The following PCLO variants were observed in gnomAD, a reference collection of about 807,000 sequenced individuals.
The protein encoded by PCLO is piccolo presynaptic cytomatrix protein, also known as protein piccolo.
Under a neutral mutation model 427.5 loss-of-function variants are expected in PCLO, and 82 were observed. The ratio of observed to expected loss-of-function variants is 0.19; its 90% CI spans 0.16 to 0.23. The LOEUF (loss-of-function observed/expected upper bound fraction) is 0.23. PCLO is among the 10% of genes least tolerant of loss of function. The pLI, the probability that PCLO is intolerant of heterozygous loss-of-function variation, is 1.00. For missense variants in PCLO, 6,239 were observed against 6,115.9 expected (o/e 1.02, Z -0.67); for synonymous variants, 2,357 against 2,155.4 (o/e 1.09, Z -2.59).
Position 82,915,073 on chromosome 7 carries a change from T to G in PCLO, c.12913A>C (p.Ile4305Leu). The change falls in exon 7 of 25, where the codon ATT becomes CTT. Residue 4305 changes from isoleucine to leucine, a missense_variant. This residue lies in a region of PCLO where 680 missense variants were observed against 677.3 expected (regional missense o/e 1.00). Transcript: ENST00000333891. The stretch of plus-strand genomic sequence containing the variant: ...GAAGAGCTAGAAGAATCCCTTTTAA[T>G]TGATAAATCAAGCCCATAGACAGAG... ...PSSVYGLDLS[I>L]KRDSSSSSLR... The G allele has an allele frequency of 6.2e-7, 1 of 1,609,736 alleles. No homozygotes were observed. The highest frequency in any genetic ancestry group is 8.5e-7 in the Non-Finnish European group (1 of 1,177,616).
At chr7:82,778,615 A>G (rs1790805620) in intron 22 of PCLO, among the ~76,000 whole-genome samples, 1 of 152,178 alleles carries the variant, frequency 6.6e-6, no homozygotes, top group Non-Finnish European at 1.5e-5. Flanking sequence ...TGAAAGTTTT[A>G]GAGTGTTACT....
intron 21 of PCLO, among the ~76,000 whole-genome samples, chr7:82,802,126 T>G (rs1197022838): frequency 6.6e-6 from 1 of 152,050 alleles, no homozygotes. Context: ...AACTGGCTTT[T>G]GTAGTCAGGC....
At chr7:82,998,873 G>C (rs11762928) in intron 3 of PCLO, among the ~76,000 whole-genome samples, 80,475 of 151,250 alleles carry the variant, frequency 0.53, 22,067 homozygotes, top group East Asian at 0.85. Context: ...ATGTTGCAAT[G>C]ATCAGACTGG....
intron 10 of PCLO, among the ~76,000 whole-genome samples, chr7:82,863,420 A>AT (rs144157422): frequency 2.0e-5 from 3 of 152,080 alleles, no homozygotes; most frequent in Non-Finnish European, 4.4e-5. Flanking sequence ...TCTGTTCTTT[A>AT]TATCACAATG....
At chr7:82,932,306 G>C (rs1225321071) in intron 6 of PCLO, among the ~76,000 whole-genome samples, 4 of 152,094 alleles carry the variant, frequency 2.6e-5, no homozygotes, top group Non-Finnish European at 1.5e-5. Flanking sequence ...TTTGTTTCCA[G>C]GGCTGTGGGA....
chr7:83,017,492 T>C (rs188495797), intron 3 of PCLO, among the ~76,000 whole-genome samples: 1 of 152,088 alleles, frequency 6.6e-6, no homozygotes, highest in East Asian at 1.9e-4. Context: ...TGTCAATATC[T>C]TTCCTGAATG....
At chr7:83,093,684 G>A (rs1299890233) in intron 3 of PCLO, among the ~76,000 whole-genome samples, 4 of 147,322 alleles carry the variant, frequency 2.7e-5, no homozygotes, top group African/African-American at 7.4e-5. Context: ...TAGTAGAGAC[G>A]GGGTTTCACC....
chr7:83,047,626 A>G (rs1187188912), intron 3 of PCLO, among the ~76,000 whole-genome samples: 1 of 152,086 alleles, frequency 6.6e-6, no homozygotes, highest in Admixed American at 6.6e-5. Context: ...TGTTAGCATA[A>G]GCAGTAACAA....
chr7:82,769,478 T>C (rs932015387), intron 22 of PCLO, among the ~76,000 whole-genome samples: 2 of 152,146 alleles, frequency 1.3e-5, no homozygotes, highest in Admixed American at 1.3e-4. Flanking sequence ...ACCACTTAAC[T>C]GGACATAGTA....
In PCLO at chr7:82,793,177, T is replaced by C. The variant is rs560506237; in HGVS notation, c.15007+8341A>G. ...CCCCATTCACTGCCCACGTGCAGCC[T>C]AGAACTCTCCATATATTTTTGTTTT... On this transcript the variant is annotated intron_variant, in intron 22 of 24. Coordinates refer to ENST00000333891, the MANE Select transcript of PCLO (RefSeq NM_033026.6). 2.0e-5 allele frequency among the ~76,000 whole-genome samples: 3 copies of C among 152,278 alleles called. No homozygotes were observed. The South Asian group carries it at 6.2e-4, about 32-fold the overall frequency.
At chr7:82,803,739 C>T (rs1791405420) in intron 21 of PCLO, among the ~76,000 whole-genome samples, 1 of 152,022 alleles carries the variant, frequency 6.6e-6, no homozygotes, top group Non-Finnish European at 1.5e-5. Context: ...CTAGCCCAAG[C>T]TATAATTTTA....
At chr7:83,162,239 C>A (rs1792457559) in intron 1 of PCLO, 106 bp downstream of exon 1, 1 of 1,318,334 alleles carries the variant, frequency 7.6e-7, no homozygotes. Context: ...ATAAAATGAA[C>A]GGAGGCGACA....
At chr7:83,089,489 T>C (rs1790324426) in intron 3 of PCLO, among the ~76,000 whole-genome samples, 1 of 152,164 alleles carries the variant, frequency 6.6e-6, no homozygotes, top group African/African-American at 2.4e-5. Flanking sequence ...ATAAATTTGG[T>C]GCAGGTACAC....
intron 6 of PCLO, among the ~76,000 whole-genome samples, chr7:82,945,837 C>G (rs1795189673): frequency 6.6e-6 from 1 of 152,002 alleles, no homozygotes; most frequent in African/African-American, 2.4e-5. Flanking sequence ...GAGATTTAAA[C>G]TGGAATTTTA....
intron 3 of PCLO, among the ~76,000 whole-genome samples, chr7:83,066,208 T>C (rs191556314): frequency 6.6e-6 from 1 of 152,250 alleles, no homozygotes; most frequent in East Asian, 1.9e-4. Context: ...TTTGAAACTT[T>C]TTAAACCCTT....
intron 3 of PCLO, among the ~76,000 whole-genome samples, chr7:83,010,929 C>T (rs1263801685): frequency 5.9e-5 from 9 of 152,010 alleles, no homozygotes; most frequent in Non-Finnish European, 8.8e-5. Context: ...ACCTGTCATA[C>T]CCAAACATAA....
chr7:83,007,145 T>G (rs1029475174), intron 3 of PCLO, among the ~76,000 whole-genome samples: 1 of 151,532 alleles, frequency 6.6e-6, no homozygotes, highest in African/African-American at 2.4e-5. Flanking sequence ...GATATGGACT[T>G]AAATTAGTAA....
chr7:83,001,217 C>T (rs1787815632), intron 3 of PCLO, among the ~76,000 whole-genome samples: 2 of 151,880 alleles, frequency 1.3e-5, no homozygotes, highest in Admixed American at 1.3e-4. Flanking sequence ...AACCACGGTC[C>T]TATGGTATGT....
In PCLO at chr7:82,951,110, C is replaced by T. The variant is rs1380005362; in HGVS notation, c.9478G>A (p.Asp3160Asn). The change falls in exon 6 of 25, where the codon GAT (aspartate) becomes AAT (asparagine). Residue 3160 changes from aspartate (D) to asparagine (N), a missense_variant. By Grantham distance (23) the Asp-to-Asn change is conservative. Transcript: ENST00000333891. ...ATAGTTTGCAAACTGGCACTGATAT[C>T]AATACCAGTTACTGCAATGTCCGTT... is the stretch of plus-strand genomic sequence containing the variant. ...SETDIAVTGI[D>N]ISASLQTITM... 2 of 1,613,660 alleles carry T rather than the reference C, an allele frequency of 1.2e-6. No individual in the cohort carries two copies. Among genetic ancestry groups the T allele is most frequent in the Admixed American group, 1.7e-5 (1 of 60,010 alleles).
Sources: allele counts gnomAD v4.1 joint callset (sites outside exome capture counted in the v4.1 genomes callset), GRCh38; gene constraint gnomAD v4.1.1; regional missense constraint gnomAD v4.1.1; transcripts MANE v1.5; gene names NCBI Gene and HGNC (gene_info 2026-07-23, HGNC 2026-07-21).